Variants in POLA1 observed in about 807,000 individuals in gnomAD.
POLA1 encodes the protein DNA polymerase alpha catalytic subunit.
A neutral mutation model predicts 124.0 loss-of-function variants in POLA1; 15 were observed. The ratio of observed to expected loss-of-function variants is 0.12; its 90% CI spans 0.08 to 0.19. The LOEUF is 0.19. POLA1 is among the 10% of genes least tolerant of loss of function. The probability of loss-of-function intolerance (pLI) is 1.00; values close to 1 mark genes in which losing one functional copy is unlikely to be tolerated. For synonymous variants in POLA1, 408 were observed against 389.4 expected, an observed-to-expected ratio of 1.05 and a Z score of -0.56; for missense variants, 886 against 1,103.4, an observed-to-expected ratio of 0.80 and a Z score of 2.79.
At position 24,891,026 on chromosome X, in the gene POLA1, A is replaced by G. The variant is rs183477635; in HGVS notation, c.4164+2904A>G. Reference sequence around the variant, plus strand: ...ACTTCTTAGAAAATCAACCAGTTTTATGATTGCATTCTTGGTAAGAGAAGG... The same window carrying G: ...ACTTCTTAGAAAATCAACCAGTTTTGTGATTGCATTCTTGGTAAGAGAAGG... On this transcript the variant is annotated intron_variant, in intron 35 of 36. Coordinates refer to ENST00000379068, the MANE Select transcript of POLA1 (RefSeq NM_001330360.2). 3.0e-3 allele frequency among the ~76,000 whole-genome samples: 338 copies of G among 112,552 alleles called. 2 individuals are homozygous for G. Among genetic ancestry groups the G allele is most frequent in the South Asian group, 4.7e-3 (13 of 2,742 alleles).
chrX:24,909,487 T>C (rs1356742366), intron 35 of POLA1, among the ~76,000 whole-genome samples: 1 of 111,571 alleles, frequency 9.0e-6, no homozygotes, highest in African/African-American at 3.3e-5. Context: ...ATTTATTAAA[T>C]AGGGAATCCT....
At chrX:24,848,566 C>T (rs1266301902) in intron 34 of POLA1, among the ~76,000 whole-genome samples, 5 of 111,826 alleles carry the variant, frequency 4.5e-5, no homozygotes, top group African/African-American at 1.6e-4. Context: ...TTAATAACAA[C>T]CCCCAAGCAT....
chrX:24,902,788 C>T (rs2047299737), intron 35 of POLA1, among the ~76,000 whole-genome samples: 1 of 111,925 alleles, frequency 8.9e-6, no homozygotes, highest in Non-Finnish European at 1.9e-5. Context: ...TAGGGCAACA[C>T]ACAAAAACTT....
intron 34 of POLA1, among the ~76,000 whole-genome samples, chrX:24,868,638 ATG>A (rs2046825922): frequency 1.8e-5 from 2 of 111,970 alleles, no homozygotes; most frequent in South Asian, 7.5e-4. Flanking sequence ...CTTTCTAAAA[ATG>A]TAATTTTACT....
At chrX:24,788,309 T>G in intron 26 of POLA1, 1 of 980,509 alleles carries the variant, frequency 1.0e-6, no homozygotes, top group Non-Finnish European at 1.3e-6. Context: ...GGGAACAAGA[T>G]AAGGATGCCC....
chrX:24,917,254 C>T (rs752152516), intron 35 of POLA1, among the ~76,000 whole-genome samples: 107 of 108,572 alleles, frequency 9.9e-4, no homozygotes, highest in African/African-American at 3.4e-3. Flanking sequence ...CCACTGCACT[C>T]CAGCCTGAGT....
At chrX:24,880,329 A>G (rs1217139080) in intron 34 of POLA1, among the ~76,000 whole-genome samples, 4 of 112,369 alleles carry the variant, frequency 3.6e-5, no homozygotes, top group African/African-American at 1.3e-4. Context: ...ATCAATTTTA[A>G]TAATATTTAA....
intron 35 of POLA1, among the ~76,000 whole-genome samples, chrX:24,920,795 T>C (rs998640831): frequency 8.9e-6 from 1 of 112,038 alleles, no homozygotes; most frequent in Non-Finnish European, 1.9e-5. Flanking sequence ...AAGTGTCAAA[T>C]TGACATTAAT....
At chrX:24,782,600 G>A (rs2045287692) in intron 26 of POLA1, among the ~76,000 whole-genome samples, 1 of 111,347 alleles carries the variant, frequency 9.0e-6, no homozygotes, top group South Asian at 3.8e-4. Flanking sequence ...GTGCAAGTGC[G>A]TTTTTACCCT....
At chrX:24,881,025 C>T (rs1009639236) in intron 34 of POLA1, among the ~76,000 whole-genome samples, 1 of 111,854 alleles carries the variant, frequency 8.9e-6, no homozygotes, top group Non-Finnish European at 1.9e-5. Context: ...CTTGAAAATC[C>T]GTGAATCCGG....
At chrX:24,810,004 G>A (rs55889453) in intron 27 of POLA1, 74 bp downstream of exon 27, 3 of 639,945 alleles carry the variant, frequency 4.7e-6, no homozygotes, top group East Asian at 3.5e-5. Flanking sequence ...AAGGAAAATT[G>A]TAACCCAAAC....
rs185940444 is a variant in POLA1 at position 24,953,478 on chromosome X, T to C, written c.4261+22929T>C. Among the ~76,000 whole-genome samples, 301 of 111,768 alleles carry C rather than the reference T, an allele frequency of 2.7e-3. 2 individuals carry two copies. The highest frequency in any genetic ancestry group is 8.7e-3 in the African/African-American group (266 of 30,730). ...GGATAGGAAGTTCTTTCTAAGAAGC[T>C]GGTGTTTAAGCTGAGACCTGAATGA... On this transcript the variant is annotated intron_variant, in intron 36 of 36. Transcript: ENST00000379068.
intron 32 of POLA1, among the ~76,000 whole-genome samples, chrX:24,831,847 C>T (rs766276230): frequency 8.9e-5 from 10 of 112,209 alleles, no homozygotes; most frequent in Middle Eastern, 4.6e-3. Context: ...GATGGAGTGC[C>T]ATTCCAAGCA....
chrX:24,970,068 T>A (rs1324512196), intron 36 of POLA1, among the ~76,000 whole-genome samples: 1 of 112,444 alleles, frequency 8.9e-6, no homozygotes, highest in Non-Finnish European at 1.9e-5. Flanking sequence ...ATTCAGTCTG[T>A]CATTGATGGA....
chrX:24,720,661 G>A (rs916409569), intron 10 of POLA1, among the ~76,000 whole-genome samples: 1 of 111,744 alleles, frequency 8.9e-6, no homozygotes, highest in Non-Finnish European at 1.9e-5. Flanking sequence ...AGTTGCCAAG[G>A]ATTAGAACCT....
chrX:24,801,924 G>GTGTGT lies in POLA1; in HGVS notation c.2965-7974_2965-7973insTGTGT, dbSNP rs2045713434. On this transcript the variant is annotated intron_variant, in intron 26 of 36. Coordinates refer to ENST00000379068, the MANE Select transcript of POLA1 (RefSeq NM_001330360.2). ...ACAGAGCCACTAGGAGAGGTGGGTG[G>GTGTGT]GTGTGTGTGTGTGTGTGTGTGTGTG... Among the ~76,000 whole-genome samples, 530 of 74,547 alleles carry GTGTGT rather than the reference G, an allele frequency of 7.1e-3. 8 individuals carry two copies. The highest frequency in any genetic ancestry group is 0.017 in the African/African-American group (307 of 18,247). The allele number at this position is 74,547 out of a possible 115,157, so 64.7% of individuals were successfully genotyped here.
chrX:24,858,941 AT>A (rs1254150761), intron 34 of POLA1, among the ~76,000 whole-genome samples: 2 of 111,882 alleles, frequency 1.8e-5, no homozygotes, highest in Non-Finnish European at 3.8e-5. Flanking sequence ...AGCATTTTTT[AT>A]ACTGTACCTA....
At chrX:24,775,839 A>G (rs2045129351) in intron 26 of POLA1, among the ~76,000 whole-genome samples, 1 of 111,974 alleles carries the variant, frequency 8.9e-6, no homozygotes, top group African/African-American at 3.2e-5. Flanking sequence ...TTAGATTTTT[A>G]GACTCATCTC....
chrX:24,910,817 A>G (rs761199544), intron 35 of POLA1, among the ~76,000 whole-genome samples: 1 of 112,048 alleles, frequency 8.9e-6, no homozygotes, highest in South Asian at 3.7e-4. Context: ...CAAGCGTGAC[A>G]CTACTCTCTC....
Sources: allele counts gnomAD v4.1 joint callset (sites outside exome capture counted in the v4.1 genomes callset), GRCh38; gene constraint gnomAD v4.1.1; transcripts MANE v1.5; gene names NCBI Gene and HGNC (gene_info 2026-07-23, HGNC 2026-07-21).